SLCO2A1: variants seen among roughly 807,000 people sequenced by gnomAD.
SLCO2A1 encodes solute carrier organic anion transporter family member 2A1.
Under a neutral mutation model 71.7 loss-of-function variants are expected in SLCO2A1, and 60 were observed. The observed-to-expected ratio is 0.84, with a 90% CI of 0.68 to 1.04. The LOEUF (loss-of-function observed/expected upper bound fraction) is 1.04. Among genes scored for constraint, SLCO2A1 ranks in the 50% least tolerant of loss-of-function variants. The probability of loss-of-function intolerance (pLI) is 0.00; values close to 1 mark genes in which losing one functional copy is unlikely to be tolerated. For synonymous variants in SLCO2A1, 308 were observed against 326.7 expected (o/e 0.94, Z 0.62); for missense variants, 745 against 813.4 (o/e 0.92, Z 1.02).
intron 2 of SLCO2A1, among the ~76,000 whole-genome samples, chr3:133,977,658 G>A (rs1314523694): frequency 6.6e-6 from 1 of 152,140 alleles, no homozygotes; most frequent in Non-Finnish European, 1.5e-5. Flanking sequence ...GGGATGGGGT[G>A]GGTAATTAGG....
At chr3:134,021,805 CCTATAAT>C (rs1935585438) in intron 1 of SLCO2A1, among the ~76,000 whole-genome samples, 1 of 137,902 alleles carries the variant, frequency 7.3e-6, no homozygotes, top group Non-Finnish European at 1.6e-5. Flanking sequence ...AAATTTAAAA[CCTATAAT>C]TGATAATTGA....
chr3:133,945,291 A>G (rs765397763), intron 9 of SLCO2A1, 31 bp from the exon 10 acceptor site: 2 of 1,578,446 alleles, frequency 1.3e-6, no homozygotes, highest in Admixed American at 1.8e-5. Context: ...GGGGAATCAA[A>G]CAAAGCAAGA....
intron 3 of SLCO2A1, among the ~76,000 whole-genome samples, chr3:133,960,345 A>G (rs945940814): frequency 1.3e-5 from 2 of 152,214 alleles, no homozygotes; most frequent in Admixed American, 1.3e-4. Context: ...AAAATGTGGT[A>G]TATGCAATGG....
At chr3:134,006,263 G>T (rs1037465830) in intron 1 of SLCO2A1, among the ~76,000 whole-genome samples, 2 of 151,832 alleles carry the variant, frequency 1.3e-5, no homozygotes, top group African/African-American at 4.8e-5. Flanking sequence ...TGTTGCCCAG[G>T]CTGGTCTCAA....
intron 1 of SLCO2A1, among the ~76,000 whole-genome samples, chr3:133,983,678 G>C (rs897910861): frequency 6.6e-6 from 1 of 152,182 alleles, no homozygotes; most frequent in African/African-American, 2.4e-5. Flanking sequence ...CCAGCATGGA[G>C]ATCAGTTGTG....
intron 1 of SLCO2A1, among the ~76,000 whole-genome samples, 183 bp downstream of exon 1, chr3:134,029,524 G>T (rs1203495957): frequency 7.3e-6 from 1 of 136,372 alleles, no homozygotes; most frequent in Non-Finnish European, 1.5e-5. Context: ...ACACACACAC[G>T]CTCACACACA....
chr3:133,983,749 C>G (rs1219974551), intron 1 of SLCO2A1, among the ~76,000 whole-genome samples: 1 of 152,206 alleles, frequency 6.6e-6, no homozygotes, highest in Non-Finnish European at 1.5e-5. Flanking sequence ...TGTACAGAAG[C>G]ATCTGAAGGA....
intron 1 of SLCO2A1, among the ~76,000 whole-genome samples, chr3:134,009,389 G>C (rs1426628991): frequency 6.6e-6 from 1 of 152,130 alleles, no homozygotes; most frequent in African/African-American, 2.4e-5. Context: ...TTTTCCATAA[G>C]ACTTTTTAAA....
chr3:133,985,937 A>G (rs1052209412), intron 1 of SLCO2A1, among the ~76,000 whole-genome samples: 9 of 152,238 alleles, frequency 5.9e-5, no homozygotes, highest in African/African-American at 2.2e-4. Context: ...TACAAGGCAC[A>G]AAACAGCATT....
Position 133,934,544 on chromosome 3 carries a change from T to C in SLCO2A1, c.*169A>G. 1 of 555,224 alleles carries C rather than the reference T, an allele frequency of 1.8e-6. No homozygotes were observed. Among genetic ancestry groups the C allele is most frequent in the South Asian group, 2.1e-5 (1 of 48,586 alleles). The allele number at this position is 555,224 out of a possible 1,614,324, so 34.4% of individuals were successfully genotyped here. Reference sequence around the variant, plus strand: ...CGGGTACACAGTGGCCCTTAGGAACTGTGGGGAGGACTCTGGGAGGAAGAG... The same window carrying C: ...CGGGTACACAGTGGCCCTTAGGAACCGTGGGGAGGACTCTGGGAGGAAGAG... On this transcript the variant is annotated 3_prime_UTR_variant, in exon 14 of 14. Transcript: ENST00000310926.
At chr3:134,013,393 G>A (rs931654727) in intron 1 of SLCO2A1, among the ~76,000 whole-genome samples, 2 of 152,202 alleles carry the variant, frequency 1.3e-5, no homozygotes, top group African/African-American at 4.8e-5. Flanking sequence ...CAGCAGGAGT[G>A]TGACTCTGGA....
chr3:134,008,624 C>T (rs1001656830), intron 1 of SLCO2A1, among the ~76,000 whole-genome samples: 1 of 152,136 alleles, frequency 6.6e-6, no homozygotes, highest in African/African-American at 2.4e-5. Flanking sequence ...TCTGTCCTCA[C>T]CACCTCACCC....
intron 1 of SLCO2A1, among the ~76,000 whole-genome samples, chr3:134,029,496 G>GCACACACACACGCTCA (rs1159609883): frequency 2.6e-4 from 30 of 115,892 alleles, no homozygotes; most frequent in East Asian, 6.3e-4. Context: ...ACACTCGCAC[G>GCACACACACACGCTCA]CACACACACA....
chr3:133,972,876 G>GA (rs906526719), intron 3 of SLCO2A1, among the ~76,000 whole-genome samples: 10 of 151,118 alleles, frequency 6.6e-5, no homozygotes, highest in African/African-American at 2.2e-4. Flanking sequence ...TATCCTTCAG[G>GA]AAAAAAAAAT....
At chr3:134,027,211 T>A (rs1406774220) in intron 1 of SLCO2A1, among the ~76,000 whole-genome samples, 2 of 152,180 alleles carry the variant, frequency 1.3e-5, no homozygotes, top group Non-Finnish European at 2.9e-5. Context: ...TCATATTGTC[T>A]TATGCCCAAT....
chr3:133,942,346 GT>G (rs1233104266), intron 11 of SLCO2A1: 5 of 368,340 alleles, frequency 1.4e-5, no homozygotes, highest in Non-Finnish European at 2.4e-5. Context: ...AACAGGGCCT[GT>G]GTCACATGGA....
intron 1 of SLCO2A1, among the ~76,000 whole-genome samples, chr3:134,027,125 T>C (rs1935714023): frequency 6.6e-6 from 1 of 152,000 alleles, no homozygotes; most frequent in African/African-American, 2.4e-5. Flanking sequence ...AAGACACAGG[T>C]AGTAAAAATG....
chr3:134,029,765 C>T lies in SLCO2A1; in HGVS notation c.38G>A (p.Ser13Asn). 6.3e-7 allele frequency: 1 copy of T among 1,577,918 alleles called. No homozygotes were observed. The highest frequency in any genetic ancestry group is 1.8e-4 in the Middle Eastern group (1 of 5,588). ...LLPKLGASQG[S>N]DTSTSRAGRC... The stretch of plus-strand genomic sequence containing the variant: ...GCCGGCTCGGCTAGTAGAGGTGTCG[C>T]TGCCCTGGGACGCGCCGAGCTTGGG... Residue 13 changes from serine to asparagine, a missense_variant, in exon 1 of 14, where the codon AGC becomes AAC. By Grantham distance (46) the Ser-to-Asn change is conservative. Coordinates refer to ENST00000310926, the MANE Select transcript of SLCO2A1 (RefSeq NM_005630.3).
At chr3:133,978,926 A>G (rs1011832879) in intron 2 of SLCO2A1, among the ~76,000 whole-genome samples, 5 of 152,148 alleles carry the variant, frequency 3.3e-5, no homozygotes, top group Non-Finnish European at 5.9e-5. Context: ...AAATGCTCGG[A>G]GGCCATAGAG....
Sources: allele counts gnomAD v4.1 joint callset (sites outside exome capture counted in the v4.1 genomes callset), GRCh38; gene constraint gnomAD v4.1.1; transcripts MANE v1.5; gene names NCBI Gene and HGNC (gene_info 2026-07-23, HGNC 2026-07-21).